GRIN2B: variants seen among roughly 807,000 people sequenced by gnomAD.
GRIN2B encodes the protein glutamate receptor ionotropic, NMDA 2B.
In GRIN2B, 5 loss-of-function variants were observed where a neutral mutation model predicts 114.5. That is an observed-to-expected ratio of 0.04 (90% CI 0.02 to 0.09). GRIN2B has a LOEUF of 0.09. GRIN2B is among the 10% of genes least tolerant of loss of function. The pLI is 1.00. For missense variants in GRIN2B, 1,108 were observed against 1,943.5 expected, an observed-to-expected ratio of 0.57 and a Z score of 8.08; for synonymous variants, 787 against 745.1, an observed-to-expected ratio of 1.06 and a Z score of -0.92.
At chr12:13,957,336 T>C (rs1350721650) in intron 2 of GRIN2B, among the ~76,000 whole-genome samples, 3 of 152,098 alleles carry the variant, frequency 2.0e-5, no homozygotes, top group African/African-American at 7.2e-5. Flanking sequence ...ACCATATACA[T>C]GTGTATGGGT....
intron 12 of GRIN2B, among the ~76,000 whole-genome samples, chr12:13,568,433 A>C (rs1262204213): frequency 6.6e-6 from 1 of 152,180 alleles, no homozygotes; most frequent in African/African-American, 2.4e-5. Context: ...TACAGTCTCC[A>C]TTATTGCCTT....
chr12:13,565,046 G>A (rs145786220), intron 13 of GRIN2B, among the ~76,000 whole-genome samples: 51 of 152,276 alleles, frequency 3.3e-4, no homozygotes, highest in South Asian at 8.3e-4. Flanking sequence ...GGAAATAAAC[G>A]GCCATGTTCT....
intron 4 of GRIN2B, among the ~76,000 whole-genome samples, chr12:13,740,465 C>T (rs375315907): frequency 1.5e-4 from 22 of 151,418 alleles, no homozygotes; most frequent in Non-Finnish European, 2.6e-4. Flanking sequence ...CCACATGTCC[C>T]GTTTCTTTCA....
intron 4 of GRIN2B, among the ~76,000 whole-genome samples, chr12:13,730,558 C>T (rs1038600625): frequency 3.3e-5 from 5 of 152,126 alleles, no homozygotes; most frequent in African/African-American, 4.8e-5. Flanking sequence ...AACAAGTATA[C>T]GGGCCAGGAT....
At chr12:13,587,325 T>C (rs955400059) in intron 10 of GRIN2B, among the ~76,000 whole-genome samples, 2 of 151,386 alleles carry the variant, frequency 1.3e-5, no homozygotes, top group Admixed American at 6.6e-5. Flanking sequence ...GTACATTTTC[T>C]TTTCTTTTCT....
intron 13 of GRIN2B, among the ~76,000 whole-genome samples, chr12:13,566,274 C>A (rs974283779): frequency 6.6e-6 from 1 of 152,164 alleles, no homozygotes; most frequent in Non-Finnish European, 1.5e-5. Flanking sequence ...TATCTGGAAC[C>A]TAGACCTTCA....
At chr12:13,747,799 T>G (rs917540943) in intron 4 of GRIN2B, among the ~76,000 whole-genome samples, 1 of 152,214 alleles carries the variant, frequency 6.6e-6, no homozygotes, top group Non-Finnish European at 1.5e-5. Flanking sequence ...GAACATTTAA[T>G]AACAAATAAA....
intron 2 of GRIN2B, among the ~76,000 whole-genome samples, chr12:13,912,958 C>A (rs1203307146): frequency 6.6e-6 from 1 of 152,070 alleles, no homozygotes; most frequent in East Asian, 1.9e-4. Context: ...ATTGTAGTCC[C>A]ATACCTCAGT....
intron 5 of GRIN2B, among the ~76,000 whole-genome samples, chr12:13,626,116 T>C (rs1949563419): frequency 6.6e-6 from 1 of 152,176 alleles, no homozygotes; most frequent in Non-Finnish European, 1.5e-5. Context: ...AGAACCGAGC[T>C]CTACCTTCTC....
chr12:13,788,148 G>A (rs1864250852), intron 3 of GRIN2B, among the ~76,000 whole-genome samples: 1 of 152,072 alleles, frequency 6.6e-6, no homozygotes, highest in Admixed American at 6.5e-5. Flanking sequence ...AAGTGGGAGA[G>A]GTCTAAATAT....
chr12:13,869,114 C>T (rs899506333), intron 2 of GRIN2B, among the ~76,000 whole-genome samples: 1 of 152,160 alleles, frequency 6.6e-6, no homozygotes, highest in African/African-American at 2.4e-5. Flanking sequence ...ACTTTTATTA[C>T]CAATATATGA....
At chr12:13,956,243 G>A (rs1867589445) in intron 2 of GRIN2B, among the ~76,000 whole-genome samples, 2 of 152,290 alleles carry the variant, frequency 1.3e-5, no homozygotes, top group Non-Finnish European at 2.9e-5. Context: ...AATGCAGTGG[G>A]CAGGAGGCGA....
chr12:13,698,524 C>T (rs1035197916), intron 4 of GRIN2B, among the ~76,000 whole-genome samples: 2 of 152,136 alleles, frequency 1.3e-5, no homozygotes, highest in African/African-American at 2.4e-5. Flanking sequence ...AACAGTATTA[C>T]ATCTTTGTGT....
At chr12:13,952,705 C>G (rs922117663) in intron 2 of GRIN2B, among the ~76,000 whole-genome samples, 2 of 152,120 alleles carry the variant, frequency 1.3e-5, no homozygotes, top group Admixed American at 6.5e-5. Context: ...GGTTTCCAAT[C>G]CCCCAGGAGC....
chr12:13,722,823 A>T lies in GRIN2B; in HGVS notation c.1010+30494T>A, dbSNP rs75545341. Among the ~76,000 whole-genome samples, 375 of 152,216 alleles carry T rather than the reference A, an allele frequency of 2.5e-3. 5 individuals carry two copies. Among genetic ancestry groups the T allele is most frequent in the Admixed American group, 0.017 (260 of 15,276 alleles). On this transcript the variant is annotated intron_variant, in intron 4 of 13. Transcript: ENST00000609686. ...ACTGGAGTTGCTTGATTGCTTCCAG[A>T]CAAGCAAGAAATGAGCAGTTTGTTT...
intron 5 of GRIN2B, among the ~76,000 whole-genome samples, chr12:13,654,275 G>T (rs1265765330): frequency 6.6e-6 from 1 of 152,104 alleles, no homozygotes; most frequent in Non-Finnish European, 1.5e-5. Flanking sequence ...GGGAGGAGGT[G>T]GCAAGGGAAA....
At chr12:13,728,744 G>T (rs1317809721) in intron 4 of GRIN2B, among the ~76,000 whole-genome samples, 1 of 152,136 alleles carries the variant, frequency 6.6e-6, no homozygotes, top group Non-Finnish European at 1.5e-5. Context: ...TGGAAGGATT[G>T]GTGGGTGGAT....
At chr12:13,893,306 G>A (rs1382406554) in intron 2 of GRIN2B, among the ~76,000 whole-genome samples, 1 of 152,036 alleles carries the variant, frequency 6.6e-6, no homozygotes, top group Non-Finnish European at 1.5e-5. Context: ...TTTTTCCTGT[G>A]CTGGTGAAAA....
At chr12:13,870,208 G>A (rs945079063) in intron 2 of GRIN2B, among the ~76,000 whole-genome samples, 3 of 152,194 alleles carry the variant, frequency 2.0e-5, no homozygotes, top group African/African-American at 7.2e-5. Context: ...TCCACTGACA[G>A]CTTACTAGTC....
Sources: allele counts gnomAD v4.1 joint callset (sites outside exome capture counted in the v4.1 genomes callset), GRCh38; gene constraint gnomAD v4.1.1; transcripts MANE v1.5; gene names NCBI Gene and HGNC (gene_info 2026-07-23, HGNC 2026-07-21).